Variants in STAG3 observed in about 807,000 individuals in gnomAD.
The protein encoded by STAG3 is STAG3 cohesin complex component, also known as cohesin subunit SA-3.
Under a neutral mutation model 160.7 loss-of-function variants are expected in STAG3, and 101 were observed. The observed-to-expected ratio is 0.63, with a 90% CI of 0.54 to 0.74. The LOEUF is 0.74. Among genes scored for constraint, STAG3 ranks in the 30% least tolerant of loss-of-function variants. The pLI is 0.00. For missense variants in STAG3, 1,188 were observed against 1,517.4 expected (o/e 0.78, Z 3.61); for synonymous variants, 519 against 585.0 (o/e 0.89, Z 1.63).
chr7:100,201,448 T>C, intron 21 of STAG3, 97 bp downstream of exon 21: 2 of 1,067,628 alleles, frequency 1.9e-6, no homozygotes, highest in Non-Finnish European at 2.9e-6. Flanking sequence ...TCTCAGTGCG[T>C]GGAGTGGACA....
At chr7:100,190,251 A>G (rs1800274984) in intron 8 of STAG3, among the ~76,000 whole-genome samples, 1 of 152,290 alleles carries the variant, frequency 6.6e-6, no homozygotes, top group South Asian at 2.1e-4. Context: ...CGCTGATGAA[A>G]TCTTTAATCA....
intron 8 of STAG3, among the ~76,000 whole-genome samples, chr7:100,192,007 A>G (rs1800373281): frequency 6.6e-6 from 1 of 152,190 alleles, no homozygotes; most frequent in South Asian, 2.1e-4. Context: ...ATAAGAAGCA[A>G]TTCCTTATTT....
chr7:100,182,063 T>G, intron 2 of STAG3, 27 bp from the exon 3 acceptor site: 1 of 1,587,144 alleles, frequency 6.3e-7, no homozygotes, highest in Non-Finnish European at 8.7e-7. Context: ...GGTGGTTATA[T>G]TTAAAGAGAA....
downstream of STAG3, among the ~76,000 whole-genome samples, chr7:100,217,930 C>T (rs962265496): frequency 1.3e-5 from 2 of 151,166 alleles, no homozygotes; most frequent in African/African-American, 2.4e-5. Context: ...ACGGTTAGGC[C>T]TCCGGATGGC....
chr7:100,213,211 A>G (rs1314221102), intron 32 of STAG3: 32 of 711,072 alleles, frequency 4.5e-5, no homozygotes, highest in Non-Finnish European at 5.6e-5. Flanking sequence ...CTGCACCCCT[A>G]TGACCCAATC....
rs148092001 is a variant in STAG3, at chr7:100,212,099, A to G, written c.3600+223A>G. 2.7e-4 allele frequency: 129 copies of G among 480,138 alleles called. No individual in the cohort carries two copies. In the East Asian group the frequency reaches 4.0e-3, roughly 15 times the overall value. The allele number at this position is 480,138 out of a possible 1,614,324, so 29.7% of individuals were successfully genotyped here. A position where few individuals can be genotyped will look rare whatever the true frequency, so the allele number is the denominator to read the frequency against. On this transcript the variant is annotated intron_variant, in intron 32 of 33. Transcript: ENST00000615138. Reference sequence around the variant, plus strand: ...ATTACAAATACCAAAGAAGGTTGGAATAGCACTCTCGCTCCCAATCCCTAA... The same window carrying G: ...ATTACAAATACCAAAGAAGGTTGGAGTAGCACTCTCGCTCCCAATCCCTAA...
In STAG3 at chr7:100,214,380, C is replaced by T. The variant is rs1273268190; in HGVS notation, c.*365C>T. ...TTCGCTCAATAAACATGTTTGAATC[C>T]ACACGTTCCCAAGGTGTGGCTTGAG... On this transcript the variant is annotated 3_prime_UTR_variant, in exon 34 of 34. Transcript: ENST00000615138. 3.2e-6 allele frequency: 1 copy of T among 308,816 alleles called. No individual in the cohort carries two copies. The allele number at this position is 308,816 out of a possible 1,614,324, so 19.1% of individuals were successfully genotyped here.
At chr7:100,197,046 T>C (rs1006008385) in intron 9 of STAG3, 110 bp from the exon 10 acceptor site, 2 of 991,802 alleles carry the variant, frequency 2.0e-6, no homozygotes, top group South Asian at 1.4e-5. Context: ...ATGGGGTACA[T>C]GGCATTTCAA....
intron 32 of STAG3, 174 bp from the exon 33 acceptor site, chr7:100,213,561 C>G: frequency 1.0e-6 from 1 of 985,426 alleles, no homozygotes. Context: ...AAGAAGCGCT[C>G]TGCAGTCAGG....
intron 30 of STAG3, 45 bp from the exon 31 acceptor site, chr7:100,211,390 T>A: frequency 6.2e-7 from 1 of 1,600,020 alleles, no homozygotes; most frequent in East Asian, 2.2e-5. Context: ...CATCCTCTTC[T>A]TACCCTTGAT....
In STAG3 at chr7:100,183,987, C is replaced by T. The variant is rs1025848593; in HGVS notation, c.336+1148C>T. Among the ~76,000 whole-genome samples, 17 of 152,204 alleles carry T rather than the reference C, an allele frequency of 1.1e-4. 1 individual carries two copies. The highest frequency in any genetic ancestry group is 3.1e-4 in the African/African-American group (13 of 41,528). ...TGGTGTTTGAAATTTATGTAGGGGC[C>T]GGGCACAGTGGCTCACACCTGTGAT... On this transcript the variant is annotated intron_variant, in intron 4 of 33. Transcript: ENST00000615138.
At chr7:100,197,329 C>G (rs1158731293) in intron 10 of STAG3, 50 bp downstream of exon 10, 20 of 1,599,624 alleles carry the variant, frequency 1.3e-5, no homozygotes, top group Non-Finnish European at 1.7e-5. Context: ...TTTTTCCTGT[C>G]CTAGGACATT....
Position 100,186,280 on chromosome 7 carries a change from A to G in STAG3, c.417A>G (p.Gln139=), listed in dbSNP as rs150131914. 9.9e-6 allele frequency: 16 copies of G among 1,613,868 alleles called. No individual in the cohort carries two copies. The highest frequency in any genetic ancestry group is 2.7e-5 in the African/African-American group (2 of 74,894). Residue 139 remains glutamine (Q), a synonymous_variant, in exon 5 of 34, where the codon CAA becomes CAG. Transcript: ENST00000615138. ...TGGAGCTTGTTAACTTTTTCATCCA[A>G]TCTTGCGGATGTAAAGGTGAGGAAA... ...GFLELVNFFI[Q]SCGCKGIVTP... is the part of the protein sequence containing the mutation.
rs1800219877 is a variant in STAG3 at position 100,189,423 on chromosome 7, ATCTCTTTT to A, written c.716-19_716-12del. ...CTCTGACCTCAGTAATGATTTCTTT[ATCTCTTTT>A]TCCTTTCTCAAAGCTATGAAACTGA... On this transcript the variant is annotated splice_polypyrimidine_tract_variant and intron_variant, in intron 7 of 33. Coordinates refer to ENST00000615138, the MANE Select transcript of STAG3 (RefSeq NM_001282717.2). The A allele has an allele frequency of 6.2e-7, 1 of 1,603,368 alleles. No individual in the cohort carries two copies. The highest frequency in any genetic ancestry group is 1.1e-5 in the South Asian group (1 of 89,660).
At chr7:100,214,990 C>T (rs1026670080), downstream of STAG3, 2 of 152,094 alleles carry the variant, frequency 1.3e-5, no homozygotes, top group African/African-American at 4.8e-5. Context: ...ACAGTGCAGC[C>T]TCAGGGCCAG....
At chr7:100,217,083 G>A (rs947285755), downstream of STAG3, among the ~76,000 whole-genome samples, 8 of 152,194 alleles carry the variant, frequency 5.3e-5, no homozygotes, top group Non-Finnish European at 1.0e-4. Context: ...AATACTGATC[G>A]TATTCCAAGG....
rs1584788272 is a variant in STAG3 at position 100,211,852 on chromosome 7, TGAA to T, written c.3580_3582del (p.Glu1194del). The stretch of plus-strand genomic sequence containing the variant: ...AGTTAGAAATCCAGGATGAGTCAAA[TGAA>T]GAACGGCAGGATACAGACATGGTGA... On this transcript the variant is annotated inframe_deletion, in exon 32 of 34. Transcript: ENST00000615138. The T allele has an allele frequency of 1.2e-6, 2 of 1,614,094 alleles. No homozygotes were observed. Among genetic ancestry groups the T allele is most frequent in the African/African-American group, 2.7e-5 (2 of 75,006 alleles).
At chr7:100,215,739 A>G (rs1802701861), downstream of STAG3, among the ~76,000 whole-genome samples, 1 of 152,128 alleles carries the variant, frequency 6.6e-6, no homozygotes, top group Non-Finnish European at 1.5e-5. Flanking sequence ...GGAGCTTGAC[A>G]CCATGCTCTC....
At position 100,207,999 on chromosome 7, in the gene STAG3, C is replaced by T. The variant is rs189074594; in HGVS notation, c.3238+2615C>T. On this transcript the variant is annotated intron_variant, in intron 29 of 33. Transcript: ENST00000615138. The surrounding 1 kb of genome is among the most constrained non-coding windows in gnomAD (Gnocchi z 4.0). ...GGCATGATGGTGGGCGCCTGTAGTC[C>T]CAGCCACTCGGGAGGCTGAGGCAGG... Among the ~76,000 whole-genome samples the T allele has an allele frequency of 2.3e-3, 355 of 152,088 alleles. 1 individual carries two copies. Among genetic ancestry groups the T allele is most frequent in the South Asian group, 7.7e-3 (37 of 4,810 alleles).
Sources: gnomAD v4.1 joint callset for allele counts (sites outside exome capture counted in the v4.1 genomes callset) on GRCh38, gnomAD v4.1.1 for gene constraint, Gnocchi (gnomAD v3.1) non-coding constraint, MANE v1.5 for transcripts, NCBI Gene and HGNC (gene_info 2026-07-23, HGNC 2026-07-21) for gene names.